The following SSH2 variants were observed in gnomAD, a reference collection of about 807,000 sequenced individuals.
SSH2 encodes the protein protein phosphatase Slingshot homolog 2.
In SSH2, 37 loss-of-function variants were observed where a neutral mutation model predicts 135.2. The observed-to-expected ratio is 0.27, with a 90% CI of 0.21 to 0.36. The LOEUF (loss-of-function observed/expected upper bound fraction) is 0.36. Among genes scored for constraint, SSH2 ranks in the 10% least tolerant of loss-of-function variants. The pLI, the probability that SSH2 is intolerant of heterozygous loss-of-function variation, is 1.00. For synonymous variants in SSH2, 628 were observed against 646.2 expected (o/e 0.97, Z 0.43); for missense variants, 1,408 against 1,765.3 (o/e 0.80, Z 3.63).
chr17:29,867,966 T>C (rs1187978209), intron 1 of SSH2, among the ~76,000 whole-genome samples: 1 of 152,184 alleles, frequency 6.6e-6, no homozygotes, highest in African/African-American at 2.4e-5. Context: ...ATTTCCTATA[T>C]AGCATTCTGA....
At chr17:29,837,531 G>GT (rs2042962413) in intron 2 of SSH2, among the ~76,000 whole-genome samples, 1 of 152,168 alleles carries the variant, frequency 6.6e-6, no homozygotes, top group Admixed American at 6.5e-5. Context: ...AGCAGCAGTG[G>GT]TGGCGGTGGG....
intron 8 of SSH2, among the ~76,000 whole-genome samples, chr17:29,673,506 G>A (rs1339600041): frequency 5.3e-5 from 8 of 151,866 alleles, no homozygotes; most frequent in Non-Finnish European, 1.0e-4. Flanking sequence ...GGAGACGGAG[G>A]CTGTAGTTAG....
intron 1 of SSH2, among the ~76,000 whole-genome samples, chr17:29,860,096 C>T (rs1474437543): frequency 9.2e-5 from 14 of 152,106 alleles, no homozygotes; most frequent in Non-Finnish European, 2.1e-4. Flanking sequence ...GATCCACCAG[C>T]CTTGGCCTCT....
At chr17:29,797,870 AGAGT>A (rs1349107186) in intron 2 of SSH2, among the ~76,000 whole-genome samples, 1 of 151,094 alleles carries the variant, frequency 6.6e-6, no homozygotes, top group African/African-American at 2.4e-5. Flanking sequence ...CCTGAGAGAC[AGAGT>A]GAGACTCTAA....
chr17:29,694,577 G>A (rs1324265986), intron 5 of SSH2, among the ~76,000 whole-genome samples: 1 of 152,174 alleles, frequency 6.6e-6, no homozygotes, highest in African/African-American at 2.4e-5. Context: ...GCTGAGGCAG[G>A]AGAATCGATC....
At chr17:29,856,883 C>T (rs1460227582) in intron 1 of SSH2, among the ~76,000 whole-genome samples, 1 of 152,176 alleles carries the variant, frequency 6.6e-6, no homozygotes, top group Non-Finnish European at 1.5e-5. Flanking sequence ...CTTTGTTTCA[C>T]TATTTTTTAA....
chr17:29,792,201 C>G (rs1034983962), intron 3 of SSH2, among the ~76,000 whole-genome samples: 3 of 151,948 alleles, frequency 2.0e-5, no homozygotes, highest in African/African-American at 7.3e-5. Flanking sequence ...CCGCGCCTGG[C>G]CTTTATAGTT....
At chr17:29,636,903 G>A in intron 14 of SSH2, 101 bp from the exon 15 acceptor site, 1 of 853,162 alleles carries the variant, frequency 1.2e-6, no homozygotes. Context: ...TTGTAAAAAT[G>A]CTTTGTTATT....
intron 3 of SSH2, among the ~76,000 whole-genome samples, chr17:29,712,287 T>C (rs1224190408): frequency 6.6e-6 from 1 of 152,238 alleles, no homozygotes; most frequent in Non-Finnish European, 1.5e-5. Flanking sequence ...GGGAGGTATG[T>C]AGCTTTTAAA....
chr17:29,851,716 A>T (rs1015950046), intron 1 of SSH2, among the ~76,000 whole-genome samples: 1 of 152,038 alleles, frequency 6.6e-6, no homozygotes. Flanking sequence ...AAATAATAAT[A>T]ATCAGCCAAG....
intron 1 of SSH2, among the ~76,000 whole-genome samples, chr17:29,883,564 T>C (rs137879772): frequency 2.6e-5 from 4 of 152,340 alleles, no homozygotes; most frequent in Non-Finnish European, 4.4e-5. Context: ...AACTGCACAT[T>C]GGATACACTT....
intron 3 of SSH2, among the ~76,000 whole-genome samples, chr17:29,769,593 T>C (rs991076239): frequency 3.3e-5 from 5 of 152,170 alleles, no homozygotes; most frequent in African/African-American, 7.2e-5. Flanking sequence ...GAAGGAGGCA[T>C]TTAATGTATT....
chr17:29,891,470 A>G (rs2066348747), intron 1 of SSH2, among the ~76,000 whole-genome samples: 1 of 152,214 alleles, frequency 6.6e-6, no homozygotes, highest in Non-Finnish European at 1.5e-5. Context: ...AAGAAGCAAC[A>G]AAAGCACAGA....
At chr17:29,740,895 T>C (rs1369409433) in intron 3 of SSH2, among the ~76,000 whole-genome samples, 2 of 152,244 alleles carry the variant, frequency 1.3e-5, no homozygotes, top group Non-Finnish European at 2.9e-5. Context: ...TTTAAAATTC[T>C]TTAAGTCTAA....
chr17:29,779,554 C>G (rs2041791022), intron 3 of SSH2, among the ~76,000 whole-genome samples: 1 of 152,062 alleles, frequency 6.6e-6, no homozygotes, highest in Admixed American at 6.6e-5. Context: ...AAAAGATGAA[C>G]AGTGGCTGGG....
chr17:29,690,665 A>G (rs2038430078), intron 5 of SSH2, among the ~76,000 whole-genome samples: 1 of 152,188 alleles, frequency 6.6e-6, no homozygotes, highest in African/African-American at 2.4e-5. Flanking sequence ...TTGTGACACT[A>G]GTAAACTAAA....
intron 3 of SSH2, among the ~76,000 whole-genome samples, chr17:29,718,255 C>T (rs531278102): frequency 1.3e-5 from 2 of 152,214 alleles, no homozygotes; most frequent in South Asian, 2.1e-4. Context: ...ATTCTTTTGT[C>T]AACTTCTTAA....
At chr17:29,731,518 C>T (rs760884854) in intron 3 of SSH2, among the ~76,000 whole-genome samples, 143 of 151,908 alleles carry the variant, frequency 9.4e-4, no homozygotes, top group Non-Finnish European at 1.8e-3. Context: ...TGCAGTGGCA[C>T]GATCTCGGCT....
intron 3 of SSH2, among the ~76,000 whole-genome samples, chr17:29,715,148 T>C (rs2151155360): frequency 6.6e-6 from 1 of 152,182 alleles, no homozygotes; most frequent in African/African-American, 2.4e-5. Flanking sequence ...ATTACAGACG[T>C]GAGCCACTGC....
Sources: gnomAD v4.1 joint callset for allele counts (sites outside exome capture counted in the v4.1 genomes callset) on GRCh38, gnomAD v4.1.1 for gene constraint, MANE v1.5 for transcripts, NCBI Gene and HGNC (gene_info 2026-07-23, HGNC 2026-07-21) for gene names.